CLIP1: variants seen among roughly 807,000 people sequenced by gnomAD.
CLIP1 encodes CAP-Gly domain-containing linker protein 1.
CLIP1 carries 66 observed loss-of-function variants against 161.6 expected under a neutral mutation model. The ratio of observed to expected loss-of-function variants is 0.41; its 90% CI spans 0.33 to 0.50. The LOEUF is 0.50. Among genes scored for constraint, CLIP1 ranks in the 20% least tolerant of loss-of-function variants. CLIP1 has a pLI of 0.27. For missense variants in CLIP1, 1,376 were observed against 1,702.0 expected (o/e 0.81, Z 3.37); for synonymous variants, 598 against 626.2 (o/e 0.96, Z 0.67).
chr12:122,300,647 C>T (rs1447699138), intron 20 of CLIP1, among the ~76,000 whole-genome samples: 1 of 152,198 alleles, frequency 6.6e-6, no homozygotes, highest in Non-Finnish European at 1.5e-5. Context: ...TCACTGCAAC[C>T]TCCGCCTCCT....
intron 19 of CLIP1, among the ~76,000 whole-genome samples, chr12:122,314,002 C>CA (rs1047670455): frequency 1.8e-4 from 27 of 151,390 alleles, no homozygotes; most frequent in Non-Finnish European, 3.2e-4. Flanking sequence ...ACTAAAAATA[C>CA]AAAAAAATGG....
Position 122,371,982 on chromosome 12 carries a change from A to G in CLIP1, c.657+5407T>C, listed in dbSNP as rs1325380236. On this transcript the variant is annotated intron_variant, in intron 3 of 25. Transcript: ENST00000620786. ...GTGAAGTTTAGAACTGGGAAACTGA[A>G]AAATGAAAAAAAAACTTGGCCGGGC... Among the ~76,000 whole-genome samples the G allele has an allele frequency of 2.0e-5, 3 of 152,180 alleles. No homozygotes were observed. In the East Asian group the frequency reaches 5.8e-4, roughly 29 times the overall value.
At chr12:122,416,622 C>T (rs984251490) in intron 1 of CLIP1, among the ~76,000 whole-genome samples, 2 of 151,952 alleles carry the variant, frequency 1.3e-5, no homozygotes, top group African/African-American at 4.8e-5. Flanking sequence ...ACATGGTGGC[C>T]GAGAGCAGTG....
chr12:122,296,820 T>G (rs935109440), intron 20 of CLIP1, among the ~76,000 whole-genome samples: 1 of 136,296 alleles, frequency 7.3e-6, no homozygotes, highest in Non-Finnish European at 1.5e-5. Context: ...GCTATGATCA[T>G]GCCACTGCAC....
At chr12:122,404,073 C>T (rs1274021628) in intron 1 of CLIP1, among the ~76,000 whole-genome samples, 1 of 152,190 alleles carries the variant, frequency 6.6e-6, no homozygotes, top group Non-Finnish European at 1.5e-5. Flanking sequence ...TCTACGCGAG[C>T]TGAGGACAAG....
chr12:122,280,045 A>C (rs61954381), intron 21 of CLIP1: 12,051 of 152,288 alleles, frequency 0.079, 571 homozygotes, highest in African/African-American at 0.13. Flanking sequence ...GCATGTGTTT[A>C]CATATGTGTA....
At chr12:122,353,245 G>A (rs2136460155) in intron 7 of CLIP1, among the ~76,000 whole-genome samples, 1 of 152,314 alleles carries the variant, frequency 6.6e-6, no homozygotes, top group South Asian at 2.1e-4. Flanking sequence ...GGGCAGCTGA[G>A]GTGGGAGGAT....
At chr12:122,401,310 G>A (rs1034535757) in intron 1 of CLIP1, among the ~76,000 whole-genome samples, 9 of 152,140 alleles carry the variant, frequency 5.9e-5, no homozygotes, top group African/African-American at 2.2e-4. Flanking sequence ...GATGCTTTGA[G>A]CCCAGGAGTT....
chr12:122,414,526 G>A (rs769197576), intron 1 of CLIP1, among the ~76,000 whole-genome samples: 2 of 151,824 alleles, frequency 1.3e-5, no homozygotes, highest in Non-Finnish European at 1.5e-5. Context: ...GTGCAATGGC[G>A]CAATCTCAGC....
chr12:122,372,435 A>G (rs374834281), intron 3 of CLIP1, among the ~76,000 whole-genome samples: 1 of 149,778 alleles, frequency 6.7e-6, no homozygotes, highest in African/African-American at 2.4e-5. Context: ...AAAAAAAATT[A>G]GTCGGGTGTG....
Position 122,341,190 on chromosome 12 carries a change from G to C in CLIP1, c.2014C>G (p.His672Asp). The C allele has an allele frequency of 6.2e-7, 1 of 1,614,134 alleles. No homozygotes were observed. Among genetic ancestry groups the C allele is most frequent in the Non-Finnish European group, 8.5e-7 (1 of 1,180,016 alleles). The change falls in exon 11 of 26, where the codon CAC (histidine) becomes GAC (aspartate). Residue 672 changes from histidine to aspartate, a missense_variant. By Grantham distance (81) the His-to-Asp change is moderately conservative. Around this residue, in one of 6 missense-constraint regions of CLIP1, gnomAD observed 948 missense variants for 1,134.8 expected, o/e 0.84. Coordinates refer to ENST00000620786, the MANE Select transcript of CLIP1 (RefSeq NM_001247997.2). ...TGATTCTGCAAATTTTCTATTTCGT[G>C]TTGGTAATCTAGTCTCATTTTCTCT... ...QIEKMRLDYQ[H>D]EIENLQNQQD...
Position 122,272,571 on chromosome 12 carries a change from G to C in CLIP1, c.*304C>G, listed in dbSNP as rs1955218869. 1 of 306,374 alleles carries C rather than the reference G, an allele frequency of 3.3e-6. No individual in the cohort carries two copies. The highest frequency in any genetic ancestry group is 2.1e-5 in the African/African-American group (1 of 47,018). 19.0% of individuals were successfully genotyped at this position (306,374 alleles called of 1,614,324 possible). On this transcript the variant is annotated 3_prime_UTR_variant, in exon 26 of 26. Transcript: ENST00000620786. Reference sequence around the variant, plus strand: ...AGTTACTTAAATAAGGTATTGTGAGGGTAGGGGTTTTTCTACAAGGTCGGG... The same window carrying C: ...AGTTACTTAAATAAGGTATTGTGAGCGTAGGGGTTTTTCTACAAGGTCGGG...
chr12:122,362,145 G>T (rs1953863834), intron 4 of CLIP1, among the ~76,000 whole-genome samples: 1 of 150,932 alleles, frequency 6.6e-6, no homozygotes, highest in Non-Finnish European at 1.5e-5. Context: ...GTAGAGACAG[G>T]GTTTCAATAT....
At chr12:122,327,392 C>A (rs1951749468) in intron 17 of CLIP1, among the ~76,000 whole-genome samples, 1 of 152,144 alleles carries the variant, frequency 6.6e-6, no homozygotes, top group African/African-American at 2.4e-5. Flanking sequence ...TTCCTCCCTG[C>A]CCTTGAATCC....
chr12:122,325,526 G>C (rs1001898901), intron 17 of CLIP1, among the ~76,000 whole-genome samples: 1 of 152,086 alleles, frequency 6.6e-6, no homozygotes, highest in African/African-American at 2.4e-5. Flanking sequence ...CTGTGGCCCA[G>C]GCTGGAGGGA....
At position 122,347,582 on chromosome 12, in the gene CLIP1, TGCCAAAGGGTGA is replaced by T. The variant is rs895133678; in HGVS notation, c.1402-115_1402-104del. ...TGCAGGCTGAGCCACCAGTACCTTC[TGCCAAAGGGTGA>T]ACCAAAGGGGAATGGAGAAGGGAAG... On this transcript the variant is annotated intron_variant, in intron 9 of 25. Coordinates refer to ENST00000620786, the MANE Select transcript of CLIP1 (RefSeq NM_001247997.2). 28 of 816,032 alleles carry T rather than the reference TGCCAAAGGGTGA, an allele frequency of 3.4e-5. 1 individual carries two copies. In the African/African-American group the frequency reaches 4.0e-4, roughly 12 times the overall value. 50.5% of individuals were successfully genotyped at this position (816,032 alleles called of 1,614,324 possible). A position where few individuals can be genotyped will look rare whatever the true frequency, so the allele number is the denominator to read the frequency against.
chr12:122,286,624 G>A (rs1186112311), intron 21 of CLIP1, among the ~76,000 whole-genome samples: 4 of 148,034 alleles, frequency 2.7e-5, no homozygotes, highest in African/African-American at 9.9e-5. Flanking sequence ...CACCACCTTA[G>A]TGAAATTTCA....
At chr12:122,294,341 A>C (rs1950384742) in intron 20 of CLIP1, among the ~76,000 whole-genome samples, 1 of 143,490 alleles carries the variant, frequency 7.0e-6, no homozygotes, top group Non-Finnish European at 1.6e-5. Flanking sequence ...AAAAAAAAAA[A>C]AACAAAAAAA....
intron 4 of CLIP1, 45 bp from the exon 5 acceptor site, chr12:122,361,226 A>C: frequency 6.8e-7 from 1 of 1,465,516 alleles, no homozygotes; most frequent in Non-Finnish European, 9.4e-7. Flanking sequence ...ACTTAATCAC[A>C]AGAAATAATA....
Sources: gnomAD v4.1 joint callset for allele counts (sites outside exome capture counted in the v4.1 genomes callset) on GRCh38, gnomAD v4.1.1 for gene constraint, gnomAD v4.1.1 regional missense constraint, MANE v1.5 for transcripts, NCBI Gene and HGNC (gene_info 2026-07-23, HGNC 2026-07-21) for gene names.